Variants in GPC5 observed in about 807,000 individuals in gnomAD.
The protein encoded by GPC5 is glypican 5.
GPC5 carries 47 observed loss-of-function variants against 53.9 expected under a neutral mutation model. That is an observed-to-expected ratio of 0.87 (90% CI 0.69 to 1.11). GPC5 has a LOEUF of 1.11. GPC5 is among the 50% of genes most tolerant of loss of function. The probability of loss-of-function intolerance (pLI) is 0.00; values close to 1 mark genes in which losing one functional copy is unlikely to be tolerated. For synonymous variants in GPC5, 286 were observed against 263.3 expected, an observed-to-expected ratio of 1.09 and a Z score of -0.84; for missense variants, 748 against 713.1, an observed-to-expected ratio of 1.05 and a Z score of -0.56.
chr13:91,568,768 T>C (rs906559196), intron 2 of GPC5, among the ~76,000 whole-genome samples: 1 of 151,358 alleles, frequency 6.6e-6, no homozygotes, highest in African/African-American at 2.4e-5. Context: ...CTTTTTTTTT[T>C]TTTTCAGAAG....
At chr13:91,983,121 G>A (rs1594704997) in intron 6 of GPC5, among the ~76,000 whole-genome samples, 1 of 152,086 alleles carries the variant, frequency 6.6e-6, no homozygotes, top group East Asian at 1.9e-4. Context: ...CGAGACGGGC[G>A]GATCACGAGG....
intron 7 of GPC5, among the ~76,000 whole-genome samples, chr13:92,432,190 AAG>A (rs1877118778): frequency 6.6e-6 from 1 of 152,144 alleles, no homozygotes. Flanking sequence ...GCAGGGCAGG[AAG>A]AGAGCATCAC....
rs1555338030 is a variant in GPC5, at chr13:91,689,190, T to TATATAC, written c.326-3992_326-3991insCATATA. 4.0e-5 allele frequency among the ~76,000 whole-genome samples: 3 copies of TATATAC among 74,564 alleles called. No homozygotes were observed. The East Asian group carries it at 1.3e-3, about 32-fold the overall frequency. 48.9% of individuals were successfully genotyped at this position (74,564 alleles called of 152,430 possible). A position where few individuals can be genotyped will look rare whatever the true frequency, so the allele number is the denominator to read the frequency against. On this transcript the variant is annotated intron_variant, in intron 2 of 7. Coordinates refer to ENST00000377067, the MANE Select transcript of GPC5 (RefSeq NM_004466.6). ...TCTCAAAAAATCATATATAAATATA[T>TATATAC]ATATATATATATATATATATATATA...
Position 91,728,569 on chromosome 13 carries a change from C to G in GPC5, c.1058C>G (p.Thr353Arg). 2 of 1,612,622 alleles carry G rather than the reference C, an allele frequency of 1.2e-6. No individual in the cohort carries two copies. The highest frequency in any genetic ancestry group is 1.7e-6 in the Non-Finnish European group (2 of 1,179,048). ...TGTGGCCGCCCTGTAAGAACACCCACACAAAGCCCCCGTTGTTCTTTTGAT... is the reference window on the plus strand; with the variant it reads ...TGTGGCCGCCCTGTAAGAACACCCAGACAAAGCCCCCGTTGTTCTTTTGAT... The part of the protein sequence containing the change: ...RICGRPVRTP[T>R]QSPRCSFDQS... Residue 353 changes from threonine to arginine, a missense_variant, in exon 4 of 8, where the codon ACA becomes AGA. Thr to Arg is a moderately conservative substitution (Grantham distance 71). Coordinates refer to ENST00000377067, the MANE Select transcript of GPC5 (RefSeq NM_004466.6).
intron 5 of GPC5, among the ~76,000 whole-genome samples, chr13:91,904,873 G>A (rs1300431471): frequency 2.0e-5 from 3 of 152,022 alleles, no homozygotes; most frequent in Non-Finnish European, 4.4e-5. Context: ...AGTCTTCAGG[G>A]AATCCTGAGC....
At chr13:92,214,689 C>G (rs74107112) in intron 7 of GPC5, among the ~76,000 whole-genome samples, 1 of 152,164 alleles carries the variant, frequency 6.6e-6, no homozygotes, top group Non-Finnish European at 1.5e-5. Context: ...AATAATGACT[C>G]CCTTAATCCC....
chr13:92,759,607 T>A (rs1464270480), intron 7 of GPC5, among the ~76,000 whole-genome samples: 1 of 152,074 alleles, frequency 6.6e-6, no homozygotes, highest in Admixed American at 6.6e-5. Flanking sequence ...GTTGAACAGT[T>A]TTTTGGTGGA....
intron 6 of GPC5, among the ~76,000 whole-genome samples, chr13:92,135,146 T>C (rs2041773572): frequency 6.6e-6 from 1 of 152,164 alleles, no homozygotes. Context: ...CTTCTGAATC[T>C]TTCCAGTGAA....
intron 5 of GPC5, among the ~76,000 whole-genome samples, chr13:91,854,752 C>A (rs1394204242): frequency 6.6e-6 from 1 of 151,728 alleles, no homozygotes; most frequent in African/African-American, 2.4e-5. Flanking sequence ...ACTTTTAAAA[C>A]ACTTATTTTT....
At chr13:91,881,737 T>A (rs907511935) in intron 5 of GPC5, among the ~76,000 whole-genome samples, 2 of 152,182 alleles carry the variant, frequency 1.3e-5, no homozygotes, top group African/African-American at 4.8e-5. Context: ...TCAACATAAG[T>A]GAATGTAGGT....
chr13:91,485,061 C>T (rs913216069), intron 2 of GPC5, among the ~76,000 whole-genome samples: 1 of 152,216 alleles, frequency 6.6e-6, no homozygotes, highest in Admixed American at 6.5e-5. Context: ...GGCCATACCC[C>T]AGAACTACTG....
chr13:91,571,055 T>C (rs2138992912), intron 2 of GPC5, among the ~76,000 whole-genome samples: 1 of 152,268 alleles, frequency 6.6e-6, no homozygotes, highest in South Asian at 2.1e-4. Context: ...GTATTCAAAA[T>C]TCTTGTTGTA....
chr13:92,267,103 G>C (rs7985044), intron 7 of GPC5, among the ~76,000 whole-genome samples: 52,488 of 151,654 alleles, frequency 0.35, 9,726 homozygotes, highest in African/African-American at 0.48. Context: ...TTCTTTCTCG[G>C]AGTTCTAATA....
chr13:92,056,497 A>G (rs987662029), intron 6 of GPC5, among the ~76,000 whole-genome samples: 1 of 152,084 alleles, frequency 6.6e-6, no homozygotes, highest in Non-Finnish European at 1.5e-5. Context: ...GTTTACCACA[A>G]TCGTGTTTCT....
chr13:92,026,423 T>G (rs1475730556), intron 6 of GPC5, among the ~76,000 whole-genome samples: 1 of 151,392 alleles, frequency 6.6e-6, no homozygotes, highest in Non-Finnish European at 1.5e-5. Flanking sequence ...CTTAAAGGTA[T>G]CTTATGAAAT....
chr13:91,850,734 TC>T (rs1255122495), intron 5 of GPC5, among the ~76,000 whole-genome samples: 1 of 152,160 alleles, frequency 6.6e-6, no homozygotes, highest in East Asian at 1.9e-4. Flanking sequence ...TTTTCAAGCT[TC>T]ATTTGTTAGA....
intron 7 of GPC5, among the ~76,000 whole-genome samples, chr13:92,392,452 A>T (rs1251931272): frequency 1.3e-5 from 2 of 152,100 alleles, no homozygotes; most frequent in African/African-American, 4.8e-5. Context: ...AAAAAACCCT[A>T]GAAGACAACC....
At chr13:92,345,248 T>C (rs1221534920) in intron 7 of GPC5, among the ~76,000 whole-genome samples, 1 of 151,988 alleles carries the variant, frequency 6.6e-6, no homozygotes, top group Non-Finnish European at 1.5e-5. Flanking sequence ...AGTAAAATTG[T>C]GAGGAAGAAC....
chr13:91,934,572 G>A (rs2039852606), intron 6 of GPC5, among the ~76,000 whole-genome samples: 1 of 151,946 alleles, frequency 6.6e-6, no homozygotes, highest in South Asian at 2.1e-4. Context: ...TGGGATTTAA[G>A]TTTTGTTTTG....
Sources: allele counts gnomAD v4.1 joint callset (sites outside exome capture counted in the v4.1 genomes callset), GRCh38; gene constraint gnomAD v4.1.1; transcripts MANE v1.5; gene names NCBI Gene and HGNC (gene_info 2026-07-23, HGNC 2026-07-21).